The following G3BP1 variants were observed in gnomAD, a reference collection of about 807,000 sequenced individuals.
The protein encoded by G3BP1 is G3BP stress granule assembly factor 1.
A neutral mutation model predicts 58.6 loss-of-function variants in G3BP1; 35 were observed. The observed-to-expected ratio is 0.60, with a 90% CI of 0.46 to 0.79. The LOEUF (loss-of-function observed/expected upper bound fraction) is 0.79. G3BP1 is among the 30% of genes least tolerant of loss of function. The pLI, the probability that G3BP1 is intolerant of heterozygous loss-of-function variation, is 0.00. For missense variants in G3BP1, 523 were observed against 580.8 expected, an observed-to-expected ratio of 0.90 and a Z score of 1.02; for synonymous variants, 191 against 195.4, an observed-to-expected ratio of 0.98 and a Z score of 0.19.
chr5:151,800,791 CAGT>C lies in G3BP1; in HGVS notation c.1117_1119del (p.Ser373del). On this transcript the variant is annotated inframe_deletion, in exon 11 of 12. Coordinates refer to ENST00000356245, the MANE Select transcript of G3BP1 (RefSeq NM_005754.3). Reference sequence around the variant, plus strand: ...GAAACGTGGTGGAGTTGCGCATTAACAGTGGTGGGAAATTACCCAATTTTGGTT... The same window carrying C: ...GAAACGTGGTGGAGTTGCGCATTAACGGTGGGAAATTACCCAATTTTGGTT... The C allele has an allele frequency of 1.2e-6, 2 of 1,612,010 alleles. No individual in the cohort carries two copies. Among genetic ancestry groups the C allele is most frequent in the Non-Finnish European group, 1.7e-6 (2 of 1,178,352 alleles).
In G3BP1 at chr5:151,771,961, C is replaced by G; in HGVS notation, c.-125C>G. 6.6e-6 allele frequency: 1 copy of G among 152,422 alleles called. No individual in the cohort carries two copies. The highest frequency in any genetic ancestry group is 1.9e-4 in the East Asian group (1 of 5,196). The allele number at this position is 152,422 out of a possible 1,614,324, so 9.4% of individuals were successfully genotyped here. A position where few individuals can be genotyped will look rare whatever the true frequency, so the allele number is the denominator to read the frequency against. The stretch of plus-strand genomic sequence containing the variant: ...GCGGCGGAGCACGCGTGTGTGCGGA[C>G]GCAGTTGCGTGAGGGGTTTGTACTA... On this transcript the variant is annotated 5_prime_UTR_variant, in exon 1 of 12. Coordinates refer to ENST00000356245, the MANE Select transcript of G3BP1 (RefSeq NM_005754.3).
intron 11 of G3BP1, among the ~76,000 whole-genome samples, chr5:151,803,336 G>A (rs922099905): frequency 1.3e-5 from 2 of 151,604 alleles, no homozygotes; most frequent in African/African-American, 4.8e-5. Context: ...TCACTCTGTC[G>A]CCCATGCTGG....
At chr5:151,793,884 C>T (rs10055248) in intron 4 of G3BP1, among the ~76,000 whole-genome samples, 2,766 of 151,130 alleles carry the variant, frequency 0.018, 74 homozygotes, top group African/African-American at 0.064. Flanking sequence ...CATGGTGGCG[C>T]GCCCCTGTAG....
At chr5:151,793,847 A>G (rs546972476) in intron 4 of G3BP1, among the ~76,000 whole-genome samples, 24 of 151,746 alleles carry the variant, frequency 1.6e-4, no homozygotes, top group African/African-American at 5.3e-4. Context: ...AAAAAAAAAA[A>G]AAAAGAAAAA....
chr5:151,806,693 T>C lies in G3BP1; in HGVS notation c.*2602T>C, dbSNP rs1351007301. 1.3e-5 allele frequency: 2 copies of C among 152,246 alleles called. No individual in the cohort carries two copies. Among genetic ancestry groups the C allele is most frequent in the African/African-American group, 2.4e-5 (1 of 41,468 alleles). The allele number at this position is 152,246 out of a possible 1,614,324, so 9.4% of individuals were successfully genotyped here. Reference sequence around the variant, plus strand: ...GTGGCAGCAGTAGGAGCTCATCACATTGAACATTTTCAGATTTTAAAATGA... The same window carrying C: ...GTGGCAGCAGTAGGAGCTCATCACACTGAACATTTTCAGATTTTAAAATGA... On this transcript the variant is annotated 3_prime_UTR_variant, in exon 12 of 12. Transcript: ENST00000356245.
chr5:151,803,650 T>C (rs1762894166), intron 11 of G3BP1, among the ~76,000 whole-genome samples: 1 of 152,168 alleles, frequency 6.6e-6, no homozygotes, highest in East Asian at 1.9e-4. Context: ...TGTGTCACCA[T>C]GTCTGGCTAA....
At chr5:151,796,784 C>T (rs2113243082) in intron 6 of G3BP1, among the ~76,000 whole-genome samples, 2 of 152,166 alleles carry the variant, frequency 1.3e-5, no homozygotes, top group South Asian at 2.1e-4. Flanking sequence ...AGATGTGGTT[C>T]TATGACAGAT....
At chr5:151,787,970 G>C (rs1762579906) in intron 2 of G3BP1, among the ~76,000 whole-genome samples, 2 of 151,932 alleles carry the variant, frequency 1.3e-5, no homozygotes, top group Admixed American at 1.3e-4. Context: ...TGTCTCCCGG[G>C]CTGGAGTGCA....
At chr5:151,773,120 C>T (rs1762302856) in intron 1 of G3BP1, among the ~76,000 whole-genome samples, 2 of 152,196 alleles carry the variant, frequency 1.3e-5, no homozygotes, top group South Asian at 2.1e-4. Context: ...GAAATTCCCG[C>T]CAGCGGGAAG....
chr5:151,779,450 T>C (rs1762430268), intron 1 of G3BP1, among the ~76,000 whole-genome samples: 1 of 152,218 alleles, frequency 6.6e-6, no homozygotes, highest in Admixed American at 6.5e-5. Context: ...TTTGCACTTT[T>C]CTTGGAAATA....
At position 151,809,495 on chromosome 5, in the gene G3BP1, A is replaced by C. The variant is rs1762984469; in HGVS notation, c.*5404A>C. ...AGGGATCATTTGTGATTTATATAGA[A>C]AATAATTATATTTTTGAGTGAGAAG... On this transcript the variant is annotated 3_prime_UTR_variant, in exon 12 of 12. Transcript: ENST00000356245. The C allele has an allele frequency of 6.6e-6, 1 of 152,188 alleles. No individual in the cohort carries two copies. The highest frequency in any genetic ancestry group is 6.5e-5 in the Admixed American group (1 of 15,286). The allele number at this position is 152,188 out of a possible 1,614,324, so 9.4% of individuals were successfully genotyped here.
In G3BP1 at chr5:151,797,429, G is replaced by A; in HGVS notation, c.741+1G>A. On this transcript the variant is annotated splice_donor_variant, in intron 7 of 11. Coordinates refer to ENST00000356245, the MANE Select transcript of G3BP1 (RefSeq NM_005754.3). LOFTEE classifies it high-confidence loss of function. ...TCAGACAGTACAGGAAGACTTGAGG[G>A]TATGAAACGTGTCTTCATTTTTATT... The A allele has an allele frequency of 6.3e-7, 1 of 1,599,398 alleles. No individual in the cohort carries two copies. The highest frequency in any genetic ancestry group is 8.5e-7 in the Non-Finnish European group (1 of 1,170,826).
chr5:151,775,954 T>C (rs997106979), intron 1 of G3BP1, among the ~76,000 whole-genome samples: 6 of 152,360 alleles, frequency 3.9e-5, no homozygotes, highest in Middle Eastern at 3.4e-3. Flanking sequence ...TAACATCTTA[T>C]GTAATCCAAG....
chr5:151,804,163 G>T lies in G3BP1; in HGVS notation c.*72G>T. ...AATGGTGAATTTTCGACAGCCTTTGGTATCTTGGAGTATGACCCCAGTCTG... is the reference window on the plus strand; with the variant it reads ...AATGGTGAATTTTCGACAGCCTTTGTTATCTTGGAGTATGACCCCAGTCTG... On this transcript the variant is annotated 3_prime_UTR_variant, in exon 12 of 12. Transcript: ENST00000356245. The T allele has an allele frequency of 4.7e-6, 5 of 1,059,358 alleles. No individual in the cohort carries two copies. The highest frequency in any genetic ancestry group is 7.0e-6 in the Non-Finnish European group (5 of 714,424). The allele number at this position is 1,059,358 out of a possible 1,614,324, so 65.6% of individuals were successfully genotyped here. A position where few individuals can be genotyped will look rare whatever the true frequency, so the allele number is the denominator to read the frequency against.
At chr5:151,778,533 C>T (rs1762412793) in intron 1 of G3BP1, among the ~76,000 whole-genome samples, 1 of 152,088 alleles carries the variant, frequency 6.6e-6, no homozygotes, top group African/African-American at 2.4e-5. Context: ...CCTCTGCCTC[C>T]TGGGTTTAGG....
intron 11 of G3BP1, among the ~76,000 whole-genome samples, chr5:151,801,419 A>G (rs1487006160): frequency 6.6e-6 from 1 of 152,214 alleles, no homozygotes; most frequent in Non-Finnish European, 1.5e-5. Flanking sequence ...TGGGATCCCC[A>G]AAGAAAGCTT....
At chr5:151,773,400 C>A (rs1369678508) in intron 1 of G3BP1, among the ~76,000 whole-genome samples, 1 of 152,198 alleles carries the variant, frequency 6.6e-6, no homozygotes, top group Non-Finnish European at 1.5e-5. Flanking sequence ...TTGGAAAAAA[C>A]AACTGTGACA....
intron 1 of G3BP1, among the ~76,000 whole-genome samples, chr5:151,774,394 G>A (rs1194298698): frequency 6.6e-6 from 1 of 151,764 alleles, no homozygotes; most frequent in Non-Finnish European, 1.5e-5. Context: ...GTGAACGGCA[G>A]AAGGCAGTTT....
At chr5:151,793,361 G>A (rs143709422) in intron 4 of G3BP1, among the ~76,000 whole-genome samples, 2 of 152,018 alleles carry the variant, frequency 1.3e-5, no homozygotes, top group South Asian at 2.1e-4. Context: ...TGCCTGCCTC[G>A]GCCTCCCAAA....
Sources: allele counts gnomAD v4.1 joint callset (sites outside exome capture counted in the v4.1 genomes callset), GRCh38; gene constraint gnomAD v4.1.1; transcripts MANE v1.5; gene names NCBI Gene and HGNC (gene_info 2026-07-23, HGNC 2026-07-21).